The following COL26A1 variants were observed in gnomAD, a reference collection of about 807,000 sequenced individuals.
COL26A1 encodes the protein collagen alpha-1(XXVI) chain.
Under a neutral mutation model 59.3 loss-of-function variants are expected in COL26A1, and 41 were observed. The observed-to-expected ratio is 0.69, with a 90% CI of 0.54 to 0.90. The LOEUF is 0.90. COL26A1 is among the 40% of genes least tolerant of loss of function. The pLI, the probability that COL26A1 is intolerant of heterozygous loss-of-function variation, is 0.00. For missense variants in COL26A1, 612 were observed against 602.3 expected (o/e 1.02, Z -0.17); for synonymous variants, 266 against 256.0 (o/e 1.04, Z -0.37).
intron 1 of COL26A1, among the ~76,000 whole-genome samples, chr7:101,418,969 T>C (rs1792442081): frequency 6.6e-6 from 1 of 151,782 alleles, no homozygotes; most frequent in South Asian, 2.1e-4. Flanking sequence ...CTCCCCTTCC[T>C]TCAGCCTTCT....
chr7:101,395,111 G>A (rs566721939), intron 1 of COL26A1, among the ~76,000 whole-genome samples: 2 of 151,966 alleles, frequency 1.3e-5, no homozygotes, highest in Non-Finnish European at 2.9e-5. Context: ...GACCTCAGAC[G>A]ATCCGTCTGC....
chr7:101,383,099 C>T (rs1303421054), intron 1 of COL26A1, among the ~76,000 whole-genome samples: 1 of 152,010 alleles, frequency 6.6e-6, no homozygotes, highest in Non-Finnish European at 1.5e-5. Context: ...TTTTTAGGAA[C>T]ATGTCCTGCT....
chr7:101,469,719 G>A (rs1450883418), intron 3 of COL26A1, among the ~76,000 whole-genome samples: 1 of 151,890 alleles, frequency 6.6e-6, no homozygotes, highest in East Asian at 1.9e-4. Context: ...CGAACTCCTG[G>A]CCTCAAGTGA....
intron 5 of COL26A1, among the ~76,000 whole-genome samples, chr7:101,540,913 G>A (rs1183798895): frequency 1.3e-5 from 2 of 151,950 alleles, no homozygotes. Flanking sequence ...AGGCTGAGGT[G>A]GGAGGATTGC....
At chr7:101,539,397 G>A (rs996860721) in intron 4 of COL26A1, among the ~76,000 whole-genome samples, 3 of 151,566 alleles carry the variant, frequency 2.0e-5, no homozygotes, top group South Asian at 2.1e-4. Context: ...AGGCTGGAGC[G>A]CAGTGGCACA....
chr7:101,391,316 T>C (rs559411211), intron 1 of COL26A1, among the ~76,000 whole-genome samples: 2 of 152,122 alleles, frequency 1.3e-5, no homozygotes, highest in Non-Finnish European at 1.5e-5. Context: ...CTATTTTTTT[T>C]ATTTTTTTTA....
intron 2 of COL26A1, 96 bp downstream of exon 2, chr7:101,420,195 CACAG>C (rs1035797006): frequency 1.5e-5 from 22 of 1,475,190 alleles, no homozygotes; most frequent in Middle Eastern, 2.3e-4. Flanking sequence ...GGGCTGTGCT[CACAG>C]ACAAAGGCTG....
intron 3 of COL26A1, among the ~76,000 whole-genome samples, chr7:101,501,942 C>A (rs979045211): frequency 6.6e-6 from 1 of 152,178 alleles, no homozygotes; most frequent in African/African-American, 2.4e-5. Context: ...GCTGCGTGTG[C>A]AGCTCCAAAA....
chr7:101,551,203 C>A (rs1381949310), intron 10 of COL26A1, 60 bp downstream of exon 10: 21 of 1,406,330 alleles, frequency 1.5e-5, no homozygotes, highest in Non-Finnish European at 1.9e-5. Context: ...CTGATGCAAG[C>A]CCAGGGCACT....
chr7:101,394,585 C>CTTTTTTTTTTTT (rs59966789), intron 1 of COL26A1, among the ~76,000 whole-genome samples: 1 of 122,794 alleles, frequency 8.1e-6, no homozygotes, highest in African/African-American at 3.1e-5. Context: ...TTTTTCTTTT[C>CTTTTTTTTTTTT]TTTTTTTTTT....
chr7:101,465,034 C>CTTTTTTTTTTT (rs112899121), intron 3 of COL26A1, among the ~76,000 whole-genome samples: 1 of 130,064 alleles, frequency 7.7e-6, no homozygotes, highest in Non-Finnish European at 1.6e-5. Context: ...TTCTTTCTTT[C>CTTTTTTTTTTT]TTTTTTTTTT....
chr7:101,531,815 T>A (rs10237393), intron 3 of COL26A1, among the ~76,000 whole-genome samples: 17,554 of 151,904 alleles, frequency 0.12, 1,577 homozygotes, highest in African/African-American at 0.26. Flanking sequence ...CAAGGTGATT[T>A]GCGTTCGATG....
intron 1 of COL26A1, among the ~76,000 whole-genome samples, chr7:101,405,805 G>T (rs1410700255): frequency 1.3e-5 from 2 of 152,150 alleles, no homozygotes; most frequent in African/African-American, 4.8e-5. Context: ...CTTCTCAGCT[G>T]CCCCCTCCAC....
rs535931637 is a variant in COL26A1 at position 101,400,997 on chromosome 7, C to T, written c.159-18980C>T. Reference sequence around the variant, plus strand: ...GGTCTCTCTGCAGGCTGCAGTTACACGGGTCAGGTGGACAGCAGCACGTCT... The same window carrying T: ...GGTCTCTCTGCAGGCTGCAGTTACATGGGTCAGGTGGACAGCAGCACGTCT... On this transcript the variant is annotated intron_variant, in intron 1 of 12. Coordinates refer to ENST00000313669, the MANE Select transcript of COL26A1 (RefSeq NM_001278563.3). Among the ~76,000 whole-genome samples the T allele has an allele frequency of 3.3e-5, 5 of 152,284 alleles. No individual in the cohort carries two copies. In the East Asian group the frequency reaches 5.8e-4, roughly 18 times the overall value.
Position 101,416,564 on chromosome 7 carries a change from C to G in COL26A1, c.159-3413C>G, listed in dbSNP as rs577455191. ...ATAGATGTTGGTCCTTGGTCTTCCT[C>G]TAGGTCCCTTGTTGCCTGTTTCTGC... On this transcript the variant is annotated intron_variant, in intron 1 of 12. Coordinates refer to ENST00000313669, the MANE Select transcript of COL26A1 (RefSeq NM_001278563.3). Among the ~76,000 whole-genome samples the G allele has an allele frequency of 2.9e-4, 42 of 143,706 alleles. 3 individuals carry two copies. Among genetic ancestry groups the G allele is most frequent in the African/African-American group, 9.8e-4 (40 of 40,690 alleles). The allele number at this position is 143,706 out of a possible 152,430, so 94.3% of individuals were successfully genotyped here.
chr7:101,454,268 C>CTTTTTTTTTTTTT (rs58969139), intron 3 of COL26A1, among the ~76,000 whole-genome samples: 12 of 137,348 alleles, frequency 8.7e-5, no homozygotes, highest in Non-Finnish European at 1.7e-4. Flanking sequence ...TCTTTTCTTT[C>CTTTTTTTTTTTTT]TTTTTTTTTT....
Position 101,394,869 on chromosome 7 carries a change from C to CTT in COL26A1, c.159-25087_159-25086dup, listed in dbSNP as rs61005447. 8.5e-3 allele frequency among the ~76,000 whole-genome samples: 828 copies of CTT among 96,916 alleles called. 5 individuals carry two copies. Among genetic ancestry groups the CTT allele is most frequent in the Admixed American group, 0.011 (100 of 8,858 alleles). The allele number at this position is 96,916 out of a possible 152,430, so 63.6% of individuals were successfully genotyped here. A position where few individuals can be genotyped will look rare whatever the true frequency, so the allele number is the denominator to read the frequency against. ...CCATAAAGCGGTTTCTTTTTCTTTT[C>CTT]TTTTTTTTTTTTTTTTTTTTTTGAG... On this transcript the variant is annotated intron_variant, in intron 1 of 12. Coordinates refer to ENST00000313669, the MANE Select transcript of COL26A1 (RefSeq NM_001278563.3).
At chr7:101,459,731 G>A (rs886257943) in intron 3 of COL26A1, among the ~76,000 whole-genome samples, 2 of 152,068 alleles carry the variant, frequency 1.3e-5, no homozygotes, top group Non-Finnish European at 2.9e-5. Context: ...TTTATTCTGA[G>A]TAGGGGATTT....
chr7:101,424,659 A>G (rs1284848614), intron 2 of COL26A1, among the ~76,000 whole-genome samples: 1 of 152,200 alleles, frequency 6.6e-6, no homozygotes, highest in East Asian at 1.9e-4. Flanking sequence ...TCTCACTAGT[A>G]ACTCATAAAT....
Sources: gnomAD v4.1 joint callset for allele counts (sites outside exome capture counted in the v4.1 genomes callset) on GRCh38, gnomAD v4.1.1 for gene constraint, MANE v1.5 for transcripts, NCBI Gene and HGNC (gene_info 2026-07-23, HGNC 2026-07-21) for gene names.